The following FMOD variants were observed in gnomAD, a reference collection of about 807,000 sequenced individuals.
FMOD encodes the protein fibromodulin, also known as KSPG fibromodulin.
A neutral mutation model predicts 27.0 loss-of-function variants in FMOD; 15 were observed. That is an observed-to-expected ratio of 0.55 (90% CI 0.37 to 0.85). The LOEUF (loss-of-function observed/expected upper bound fraction) is 0.85. FMOD is among the 40% of genes least tolerant of loss of function. The pLI is 0.00. For synonymous variants in FMOD, 210 were observed against 214.0 expected (o/e 0.98, Z 0.16); for missense variants, 460 against 483.2 (o/e 0.95, Z 0.45).
intron 2 of FMOD, among the ~76,000 whole-genome samples, chr1:203,345,814 C>G (rs1189028894): frequency 6.7e-6 from 1 of 149,918 alleles, no homozygotes; most frequent in Non-Finnish European, 1.5e-5. Context: ...AGGAGAATGG[C>G]GTGAACCCAG....
rs1270376844 is a variant in FMOD at position 203,348,164 on chromosome 1, G to T, written c.107C>A (p.Ser36Tyr). ...AGGGTCATAGGGATCGTAGTAGGTG[G>T]ACTGCTGGCTGCGGAGGTAGTGGAA... ...WWFHYLRSQQ[S>Y]TYYDPYDPYP... is the part of the protein sequence containing the mutation. The change falls in exon 2 of 3, where the codon TCC (serine) becomes TAC (tyrosine). Residue 36 changes from serine (S) to tyrosine (Y), a missense_variant. Ser to Tyr is a moderately radical substitution (Grantham distance 144). Coordinates refer to ENST00000354955, the MANE Select transcript of FMOD (RefSeq NM_002023.5). 5 of 1,614,080 alleles carry T rather than the reference G, an allele frequency of 3.1e-6. No individual in the cohort carries two copies. Among genetic ancestry groups the T allele is most frequent in the Non-Finnish European group, 4.2e-6 (5 of 1,180,044 alleles).
rs1177187739 is a variant in FMOD, at chr1:203,341,016, G to A, written c.*1327C>T. 6.6e-6 allele frequency: 1 copy of A among 152,306 alleles called. No homozygotes were observed. Among genetic ancestry groups the A allele is most frequent in the Non-Finnish European group, 1.5e-5 (1 of 68,076 alleles). The allele number at this position is 152,306 out of a possible 1,614,324, so 9.4% of individuals were successfully genotyped here. ...CTTGCCCAAAGGGCAGGTGGGTTAA[G>A]CCCCAGGCAACATTACCTTTTGAAA... On this transcript the variant is annotated 3_prime_UTR_variant, in exon 3 of 3. Coordinates refer to ENST00000354955, the MANE Select transcript of FMOD (RefSeq NM_002023.5).
chr1:203,342,089 G>A lies in FMOD; in HGVS notation c.*254C>T, dbSNP rs1658804097. ...TAAGAGCCGTGAGATTTATGGGGTT[G>A]GAACATCCAGGGATCCTTCCATCTA... On this transcript the variant is annotated 3_prime_UTR_variant, in exon 3 of 3. Transcript: ENST00000354955. 4.4e-6 allele frequency: 2 copies of A among 451,844 alleles called. No individual in the cohort carries two copies. The highest frequency in any genetic ancestry group is 3.9e-5 in the South Asian group (1 of 25,494). The allele number at this position is 451,844 out of a possible 1,614,324, so 28.0% of individuals were successfully genotyped here. A position where few individuals can be genotyped will look rare whatever the true frequency, so the allele number is the denominator to read the frequency against.
chr1:203,350,855 C>A (rs999987030), intron 1 of FMOD, among the ~76,000 whole-genome samples, 178 bp downstream of exon 1: 1 of 152,218 alleles, frequency 6.6e-6, no homozygotes, highest in African/African-American at 2.4e-5. Context: ...AGGGCTGGAA[C>A]CCCTCCCTTA....
chr1:203,344,152 C>A (rs544331466), intron 2 of FMOD, among the ~76,000 whole-genome samples: 1 of 152,126 alleles, frequency 6.6e-6, no homozygotes, highest in African/African-American at 2.4e-5. Context: ...TCTATGTTAT[C>A]TGTGTACAAG....
rs777586224 is a variant in FMOD, at chr1:203,342,527, A to G, written c.980-33T>C. ...GACAAGAGGAGCACGGGTCAGGGAGAGAAGCCCAGATTACGAACCTGAAGC... is the reference window on the plus strand; with the variant it reads ...GACAAGAGGAGCACGGGTCAGGGAGGGAAGCCCAGATTACGAACCTGAAGC... On this transcript the variant is annotated intron_variant, in intron 2 of 2. Transcript: ENST00000354955. 8 of 1,596,426 alleles carry G rather than the reference A, an allele frequency of 5.0e-6. No individual in the cohort carries two copies. The Admixed American group carries it at 8.5e-5, about 17-fold the overall frequency.
In FMOD at chr1:203,342,037, C is replaced by T. The variant is rs1290604236; in HGVS notation, c.*306G>A. ...ATTGCCCATGCCACTTTTGAAGTTC[C>T]ATGACCTCAGATCATTGGGAAGAAC... On this transcript the variant is annotated 3_prime_UTR_variant, in exon 3 of 3. Coordinates refer to ENST00000354955, the MANE Select transcript of FMOD (RefSeq NM_002023.5). 1 of 342,976 alleles carries T rather than the reference C, an allele frequency of 2.9e-6. No individual in the cohort carries two copies. Among genetic ancestry groups the T allele is most frequent in the Non-Finnish European group, 5.4e-6 (1 of 185,598 alleles). 21.2% of individuals were successfully genotyped at this position (342,976 alleles called of 1,614,324 possible).
intron 1 of FMOD, among the ~76,000 whole-genome samples, chr1:203,350,593 A>ATG (rs113800166): frequency 1.3e-5 from 2 of 151,666 alleles, no homozygotes; most frequent in African/African-American, 4.9e-5. Context: ...ACACACACAC[A>ATG]CACACACACA....
At chr1:203,344,489 G>A (rs1373167186) in intron 2 of FMOD, among the ~76,000 whole-genome samples, 1 of 152,142 alleles carries the variant, frequency 6.6e-6, no homozygotes, top group Non-Finnish European at 1.5e-5. Flanking sequence ...ACTGACATAA[G>A]TCTTTCCAAA....
chr1:203,344,650 G>A (rs532916505), intron 2 of FMOD, among the ~76,000 whole-genome samples: 10 of 152,178 alleles, frequency 6.6e-5, no homozygotes, highest in African/African-American at 9.6e-5. Flanking sequence ...TCCCCTGTGC[G>A]CCCCTGAGCT....
Position 203,342,233 on chromosome 1 carries a change from C to T in FMOD, c.*110G>A, listed in dbSNP as rs1287401372. On this transcript the variant is annotated 3_prime_UTR_variant, in exon 3 of 3. Coordinates refer to ENST00000354955, the MANE Select transcript of FMOD (RefSeq NM_002023.5). Reference sequence around the variant, plus strand: ...AGGAAAGAAGACTACAGAGGGTGCCCGTGGACTTCTGTCACATGGTCCATC... The same window carrying T: ...AGGAAAGAAGACTACAGAGGGTGCCTGTGGACTTCTGTCACATGGTCCATC... 1.3e-5 allele frequency: 18 copies of T among 1,361,358 alleles called. No homozygotes were observed. The highest frequency in any genetic ancestry group is 5.8e-5 in the African/African-American group (4 of 68,732). The allele number at this position is 1,361,358 out of a possible 1,614,324, so 84.3% of individuals were successfully genotyped here.
intron 2 of FMOD, among the ~76,000 whole-genome samples, chr1:203,343,220 A>G (rs575595256): frequency 3.2e-4 from 48 of 152,362 alleles, no homozygotes; most frequent in African/African-American, 1.1e-3. Context: ...ACCTGAAAAG[A>G]AGTCTCCTAA....
Position 203,347,607 on chromosome 1 carries a change from G to T in FMOD, c.664C>A (p.Leu222Ile). The change falls in exon 2 of 3, where the codon CTC becomes ATC. Residue 222 changes from leucine to isoleucine, a missense_variant. Transcript: ENST00000354955. The part of the protein sequence containing the change: ...IQEVGSSMRG[L>I]RSLILLDLSY... ...AGGTCCAGCAAGATCAGTGACCGGA[G>T]GCCCCTCATGGAACTGCCCACTTCC... 6.2e-7 allele frequency: 1 copy of T among 1,614,186 alleles called. No homozygotes were observed. The highest frequency in any genetic ancestry group is 1.1e-5 in the South Asian group (1 of 91,070).
At chr1:203,347,003 C>G (rs898695784) in intron 2 of FMOD, among the ~76,000 whole-genome samples, 6 of 152,222 alleles carry the variant, frequency 3.9e-5, no homozygotes, top group African/African-American at 1.2e-4. Flanking sequence ...CTCCATCCTG[C>G]ATACCCCCAA....
chr1:203,346,151 C>T (rs1036478908), intron 2 of FMOD, among the ~76,000 whole-genome samples: 1 of 152,080 alleles, frequency 6.6e-6, no homozygotes, highest in South Asian at 2.1e-4. Flanking sequence ...TGCTCAATGA[C>T]TGATCTGTTC....
chr1:203,346,449 A>G lies in FMOD; in HGVS notation c.979+843T>C, dbSNP rs145155618. ...GACTAAAGGGAGCTGAAAATCAGCT[A>G]GATAATTCCATCTGAAATGAATATT... On this transcript the variant is annotated intron_variant, in intron 2 of 2. Transcript: ENST00000354955. Among the ~76,000 whole-genome samples, 32 of 151,550 alleles carry G rather than the reference A, an allele frequency of 2.1e-4. 1 individual carries two copies. The East Asian group carries it at 6.2e-3, about 29-fold the overall frequency.
At position 203,348,086 on chromosome 1, in the gene FMOD, G is replaced by T; in HGVS notation, c.185C>A (p.Ala62Asp). ...AGGGGATGGAGAGCCGTAGGTGTAG[G>T]CTGGCCCTTCATCCACCCCATAGGG... ...PYPYGVDEGP[A>D]YTYGSPSPPD... The change falls in exon 2 of 3, where the codon GCC becomes GAC. Residue 62 changes from alanine (A) to aspartate (D), a missense_variant. By Grantham distance (126) the Ala-to-Asp change is moderately radical. Transcript: ENST00000354955. 6.2e-7 allele frequency: 1 copy of T among 1,614,144 alleles called. No homozygotes were observed. The highest frequency in any genetic ancestry group is 8.5e-7 in the Non-Finnish European group (1 of 1,179,998).
chr1:203,348,924 T>G (rs902998146), intron 1 of FMOD, among the ~76,000 whole-genome samples: 1 of 152,214 alleles, frequency 6.6e-6, no homozygotes, highest in African/African-American at 2.4e-5. Flanking sequence ...CCCTCCAAAG[T>G]GCCATCATCT....
intron 2 of FMOD, among the ~76,000 whole-genome samples, chr1:203,346,213 T>C (rs894445758): frequency 9.2e-5 from 14 of 152,124 alleles, no homozygotes; most frequent in Non-Finnish European, 2.1e-4. Context: ...GACTCTGTTC[T>C]TCTCAGCGCT....
Sources: gnomAD v4.1 joint callset for allele counts (sites outside exome capture counted in the v4.1 genomes callset) on GRCh38, gnomAD v4.1.1 for gene constraint, MANE v1.5 for transcripts, NCBI Gene and HGNC (gene_info 2026-07-23, HGNC 2026-07-21) for gene names.